VPS13A: variants seen among roughly 807,000 people sequenced by gnomAD.
VPS13A encodes intermembrane lipid transfer protein VPS13A.
A neutral mutation model predicts 390.9 loss-of-function variants in VPS13A; 264 were observed. The observed-to-expected ratio is 0.68, with a 90% CI of 0.61 to 0.75. The LOEUF is 0.75. VPS13A is among the 30% of genes least tolerant of loss of function. The pLI is 0.00. For synonymous variants in VPS13A, 1,231 were observed against 1,227.1 expected (o/e 1.00, Z -0.07); for missense variants, 3,409 against 3,733.9 (o/e 0.91, Z 2.27).
chr9:77,408,442 G>C (rs1021790426), intron 71 of VPS13A, among the ~76,000 whole-genome samples: 1 of 152,236 alleles, frequency 6.6e-6, no homozygotes, highest in African/African-American at 2.4e-5. Flanking sequence ...CGGAAAGTGG[G>C]TGCAGGACAG....
chr9:77,304,250 T>A (rs1256998986), intron 34 of VPS13A, among the ~76,000 whole-genome samples: 1 of 152,212 alleles, frequency 6.6e-6, no homozygotes, highest in Non-Finnish European at 1.5e-5. Flanking sequence ...CCTTAAACCT[T>A]GATTTCATAC....
intron 24 of VPS13A, 45 bp downstream of exon 24, chr9:77,273,409 T>TAAGAA: frequency 6.8e-7 from 1 of 1,477,070 alleles, no homozygotes; most frequent in South Asian, 1.3e-5. Context: ...TTTATTAAAA[T>TAAGAA]AATTTCTGTT....
chr9:77,313,722 A>G (rs147297734), intron 35 of VPS13A, among the ~76,000 whole-genome samples: 41 of 152,246 alleles, frequency 2.7e-4, no homozygotes, highest in African/African-American at 8.2e-4. Flanking sequence ...GATTAGTTCT[A>G]TTTTTCCTTG....
chr9:77,260,606 C>T (rs933934316), intron 23 of VPS13A, among the ~76,000 whole-genome samples: 16 of 151,984 alleles, frequency 1.1e-4, no homozygotes, highest in Non-Finnish European at 1.5e-4. Context: ...CTGCCCGCCT[C>T]GGCCTCCCAA....
intron 45 of VPS13A, among the ~76,000 whole-genome samples, chr9:77,328,649 C>T (rs570876376): frequency 1.3e-5 from 2 of 152,316 alleles, no homozygotes; most frequent in East Asian, 1.9e-4. Flanking sequence ...TCATCTTGCA[C>T]TTGTGTGTTA....
At chr9:77,209,659 G>A (rs1825863253) in intron 6 of VPS13A, 127 bp downstream of exon 6, 7 of 653,626 alleles carry the variant, frequency 1.1e-5, no homozygotes, top group Non-Finnish European at 1.6e-5. Flanking sequence ...AAGATGATGT[G>A]ATCCTTCTTT....
chr9:77,349,074 A>G (rs1831317256), intron 52 of VPS13A, among the ~76,000 whole-genome samples: 1 of 152,190 alleles, frequency 6.6e-6, no homozygotes. Context: ...TGCATATAAA[A>G]GTAATAGTTG....
At chr9:77,401,727 T>G (rs1834405170) in intron 68 of VPS13A, among the ~76,000 whole-genome samples, 1 of 152,206 alleles carries the variant, frequency 6.6e-6, no homozygotes, top group South Asian at 2.1e-4. Context: ...ATTATTTGCA[T>G]AATTTATAAA....
chr9:77,380,073 A>G (rs1384885837), intron 67 of VPS13A, among the ~76,000 whole-genome samples: 2 of 151,810 alleles, frequency 1.3e-5, no homozygotes, highest in African/African-American at 2.4e-5. Flanking sequence ...TTTTTGATGG[A>G]TTGACCCTTT....
intron 5 of VPS13A, among the ~76,000 whole-genome samples, chr9:77,206,344 TAC>T (rs61192750): frequency 7.6e-4 from 113 of 149,112 alleles, no homozygotes; most frequent in South Asian, 5.9e-3. Context: ...TATATATATA[TAC>T]ACACACACAC....
intron 33 of VPS13A, among the ~76,000 whole-genome samples, chr9:77,299,074 C>T (rs541892815): frequency 9.7e-4 from 148 of 152,102 alleles, no homozygotes; most frequent in Non-Finnish European, 1.8e-3. Context: ...GTTGTAGATG[C>T]GTGGTGTTAT....
intron 68 of VPS13A, among the ~76,000 whole-genome samples, chr9:77,384,242 T>C (rs2131618290): frequency 6.6e-6 from 1 of 152,030 alleles, no homozygotes; most frequent in East Asian, 1.9e-4. Flanking sequence ...ATTCTTTTAT[T>C]GTGTACCTTT....
chr9:77,389,289 A>G (rs1033557083), intron 68 of VPS13A, among the ~76,000 whole-genome samples: 18 of 151,350 alleles, frequency 1.2e-4, no homozygotes, highest in Non-Finnish European at 2.1e-4. Context: ...TATGGAGCAC[A>G]TAAAGAGTAA....
intron 1 of VPS13A, among the ~76,000 whole-genome samples, chr9:77,190,338 A>G (rs181865687): frequency 6.6e-6 from 1 of 152,272 alleles, no homozygotes; most frequent in Non-Finnish European, 1.5e-5. Context: ...CCTGAATCTG[A>G]AAAGATGATC....
intron 63 of VPS13A, among the ~76,000 whole-genome samples, chr9:77,370,021 G>C (rs917204882): frequency 4.6e-5 from 7 of 152,110 alleles, no homozygotes; most frequent in Non-Finnish European, 8.8e-5. Context: ...CTGTACTTTG[G>C]TGAGTTGCCG....
At chr9:77,413,865 A>G (rs1330237946) in intron 71 of VPS13A, among the ~76,000 whole-genome samples, 5 of 152,226 alleles carry the variant, frequency 3.3e-5, no homozygotes, top group South Asian at 2.1e-4. Flanking sequence ...GCCAATATCC[A>G]GAATCTACAA....
intron 26 of VPS13A, among the ~76,000 whole-genome samples, chr9:77,278,436 C>G (rs1359331420): frequency 6.6e-6 from 1 of 151,822 alleles, no homozygotes; most frequent in Non-Finnish European, 1.5e-5. Context: ...ATTAAAAAAC[C>G]CTTGCAAACA....
chr9:77,188,765 T>G (rs1824496127), intron 1 of VPS13A, among the ~76,000 whole-genome samples: 1 of 152,190 alleles, frequency 6.6e-6, no homozygotes, highest in African/African-American at 2.4e-5. Context: ...TGTTCCCTTT[T>G]CTCTGCAGCC....
At chr9:77,257,633 G>T (rs775355470) in intron 22 of VPS13A, among the ~76,000 whole-genome samples, 4 of 152,140 alleles carry the variant, frequency 2.6e-5, no homozygotes, top group Admixed American at 6.5e-5. Flanking sequence ...GGGCATAATG[G>T]TGCATGCCTA....
Sources: allele counts gnomAD v4.1 joint callset (sites outside exome capture counted in the v4.1 genomes callset), GRCh38; gene constraint gnomAD v4.1.1; transcripts MANE v1.5; gene names NCBI Gene and HGNC (gene_info 2026-07-23, HGNC 2026-07-21).